IMMP2L: variants seen among roughly 807,000 people sequenced by gnomAD.
The protein encoded by IMMP2L is mitochondrial inner membrane protease subunit 2.
A neutral mutation model predicts 19.3 loss-of-function variants in IMMP2L; 18 were observed. That is an observed-to-expected ratio of 0.93 (90% CI 0.64 to 1.38). IMMP2L has a LOEUF of 1.38. Among genes scored for constraint, IMMP2L ranks in the 40% most tolerant of loss-of-function variants. The pLI is 0.00. For missense variants in IMMP2L, 233 were observed against 218.2 expected (o/e 1.07, Z -0.43); for synonymous variants, 76 against 73.0 (o/e 1.04, Z -0.21).
chr7:111,223,055 G>T (rs1246033651), intron 3 of IMMP2L, among the ~76,000 whole-genome samples: 1 of 151,824 alleles, frequency 6.6e-6, no homozygotes, highest in Non-Finnish European at 1.5e-5. Flanking sequence ...GAAAAAAACT[G>T]TTGCAAAATG....
At chr7:110,928,538 T>G (rs1815122039) in intron 4 of IMMP2L, among the ~76,000 whole-genome samples, 1 of 144,188 alleles carries the variant, frequency 6.9e-6, no homozygotes, top group Non-Finnish European at 1.5e-5. Context: ...ATACACAGAA[T>G]AACAGAACCT....
chr7:110,826,042 C>A (rs150302327), intron 5 of IMMP2L, among the ~76,000 whole-genome samples: 20,744 of 152,170 alleles, frequency 0.14, 1,532 homozygotes, highest in South Asian at 0.28. Flanking sequence ...TGAACACACA[C>A]TTCTCAAAAG....
intron 3 of IMMP2L, among the ~76,000 whole-genome samples, chr7:110,971,214 G>A (rs578096355): frequency 1.3e-5 from 2 of 152,212 alleles, no homozygotes; most frequent in African/African-American, 4.8e-5. Flanking sequence ...CAGCTTACTC[G>A]CCAGTTTGCC....
chr7:111,344,231 T>C (rs1827312800), intron 3 of IMMP2L, among the ~76,000 whole-genome samples: 1 of 152,132 alleles, frequency 6.6e-6, no homozygotes, highest in Non-Finnish European at 1.5e-5. Flanking sequence ...CTCCACCAGC[T>C]TTGTCCTAGT....
chr7:111,331,643 T>C (rs1563068690), intron 3 of IMMP2L, among the ~76,000 whole-genome samples: 1 of 151,908 alleles, frequency 6.6e-6, no homozygotes, highest in Non-Finnish European at 1.5e-5. Flanking sequence ...CACATTGTAT[T>C]CATGGATCAT....
At chr7:110,983,835 A>C (rs1821560365) in intron 3 of IMMP2L, among the ~76,000 whole-genome samples, 2 of 151,938 alleles carry the variant, frequency 1.3e-5, no homozygotes, top group African/African-American at 4.8e-5. Context: ...CTCCATTGCT[A>C]TTTATTTAGT....
At chr7:110,968,842 A>G (rs755591742) in intron 3 of IMMP2L, among the ~76,000 whole-genome samples, 5 of 152,134 alleles carry the variant, frequency 3.3e-5, no homozygotes, top group African/African-American at 7.2e-5. Context: ...TCTAGCAGGA[A>G]TTCTATCACA....
At chr7:111,065,986 ATTTT>A (rs57080906) in intron 3 of IMMP2L, among the ~76,000 whole-genome samples, 8 of 101,358 alleles carry the variant, frequency 7.9e-5, no homozygotes, top group Non-Finnish European at 1.1e-4. Flanking sequence ...GCAGGCTGTA[ATTTT>A]TTTTTTTTTT....
At chr7:111,453,399 A>C (rs1035123562) in intron 3 of IMMP2L, among the ~76,000 whole-genome samples, 1 of 152,136 alleles carries the variant, frequency 6.6e-6, no homozygotes, top group African/African-American at 2.4e-5. Flanking sequence ...ACTGATCAGC[A>C]CGGCCCTTCA....
chr7:111,106,212 G>A (rs1403160067), intron 3 of IMMP2L, among the ~76,000 whole-genome samples: 1 of 151,798 alleles, frequency 6.6e-6, no homozygotes, highest in Admixed American at 6.6e-5. Context: ...TTCTCAATTG[G>A]GAACTAAGAG....
At chr7:111,410,843 A>G (rs887183877) in intron 3 of IMMP2L, among the ~76,000 whole-genome samples, 1 of 151,834 alleles carries the variant, frequency 6.6e-6, no homozygotes, top group African/African-American at 2.4e-5. Flanking sequence ...AAATTATTTT[A>G]AACAAAGTAT....
At chr7:110,882,467 A>C (rs1585127821) in intron 5 of IMMP2L, among the ~76,000 whole-genome samples, 1 of 150,486 alleles carries the variant, frequency 6.6e-6, no homozygotes, top group South Asian at 2.1e-4. Context: ...TGCAACCTCC[A>C]CCTCCCAGGT....
chr7:110,817,649 A>G (rs192912919), intron 5 of IMMP2L, among the ~76,000 whole-genome samples: 1 of 152,160 alleles, frequency 6.6e-6, no homozygotes, highest in South Asian at 2.1e-4. Context: ...GAGCCCGCAT[A>G]GCCAAGTCAA....
intron 3 of IMMP2L, among the ~76,000 whole-genome samples, chr7:111,088,450 TA>T (rs759363992): frequency 6.0e-5 from 9 of 149,418 alleles, no homozygotes; most frequent in East Asian, 2.0e-4. Context: ...GGAAGAAACT[TA>T]AAAAAAAATG....
At chr7:111,437,054 T>C (rs1434364670) in intron 3 of IMMP2L, among the ~76,000 whole-genome samples, 1 of 151,858 alleles carries the variant, frequency 6.6e-6, no homozygotes, top group Non-Finnish European at 1.5e-5. Flanking sequence ...CATTGGGGGT[T>C]ATATTTCAAC....
Position 111,537,885 on chromosome 7 carries a change from T to G in IMMP2L, c.-2-16436A>C, listed in dbSNP as rs539869514. Among the ~76,000 whole-genome samples, 17 of 152,072 alleles carry G rather than the reference T, an allele frequency of 1.1e-4. No individual in the cohort carries two copies. The South Asian group carries it at 2.1e-3, about 19-fold the overall frequency. On this transcript the variant is annotated intron_variant, in intron 1 of 5. Coordinates refer to ENST00000405709, the MANE Select transcript of IMMP2L (RefSeq NM_032549.4). ...TCAACCAAACCCACCTCCATACAAT[T>G]TCTAGAATATGCCACACTTTTACTT...
At chr7:111,372,230 A>T (rs1346341743) in intron 3 of IMMP2L, among the ~76,000 whole-genome samples, 1 of 152,066 alleles carries the variant, frequency 6.6e-6, no homozygotes, top group Non-Finnish European at 1.5e-5. Context: ...GTATCAAAAC[A>T]TCTCATGTAT....
chr7:111,473,288 C>A (rs1841431956), intron 3 of IMMP2L, among the ~76,000 whole-genome samples: 1 of 152,054 alleles, frequency 6.6e-6, no homozygotes, highest in Non-Finnish European at 1.5e-5. Context: ...TTTGTGGCCC[C>A]TCTTCACATA....
intron 3 of IMMP2L, among the ~76,000 whole-genome samples, chr7:111,257,155 G>A (rs183990292): frequency 6.6e-6 from 1 of 152,052 alleles, no homozygotes; most frequent in Non-Finnish European, 1.5e-5. Flanking sequence ...GCTTAACTTG[G>A]TTGGTAGTGT....
Sources: allele counts gnomAD v4.1 joint callset (sites outside exome capture counted in the v4.1 genomes callset), GRCh38; gene constraint gnomAD v4.1.1; transcripts MANE v1.5; gene names NCBI Gene and HGNC (gene_info 2026-07-23, HGNC 2026-07-21).